The following SCAPER variants were observed in gnomAD, a reference collection of about 807,000 sequenced individuals.
SCAPER encodes the protein S-phase cyclin A associated protein in the ER, also known as S phase cyclin A-associated protein in the endoplasmic reticulum.
In SCAPER, 98 loss-of-function variants were observed where a neutral mutation model predicts 182.2. The ratio of observed to expected loss-of-function variants is 0.54; its 90% CI spans 0.46 to 0.64. The LOEUF is 0.64. SCAPER is among the 30% of genes least tolerant of loss of function. The pLI is 0.00. For missense variants in SCAPER, 1,432 were observed against 1,690.0 expected, an observed-to-expected ratio of 0.85 and a Z score of 2.68; for synonymous variants, 605 against 564.6, an observed-to-expected ratio of 1.07 and a Z score of -1.01.
At chr15:76,549,824 A>C (rs912016128) in intron 23 of SCAPER, among the ~76,000 whole-genome samples, 1 of 152,206 alleles carries the variant, frequency 6.6e-6, no homozygotes, top group Admixed American at 6.5e-5. Flanking sequence ...AAATGGATGA[A>C]AGATTTAAAT....
intron 15 of SCAPER, among the ~76,000 whole-genome samples, chr15:76,750,659 AAC>A (rs2062035433): frequency 1.3e-5 from 2 of 152,092 alleles, no homozygotes; most frequent in South Asian, 2.1e-4. Flanking sequence ...AGAGGAAAAA[AAC>A]ACACAGTCTC....
At chr15:76,458,705 T>C (rs1023840924) in intron 25 of SCAPER, among the ~76,000 whole-genome samples, 12 of 152,120 alleles carry the variant, frequency 7.9e-5, no homozygotes, top group African/African-American at 2.4e-4. Flanking sequence ...TATTTTGAAA[T>C]ATACAATACA....
intron 14 of SCAPER, among the ~76,000 whole-genome samples, chr15:76,759,211 T>C (rs1214411558): frequency 6.6e-6 from 1 of 152,120 alleles, no homozygotes; most frequent in Non-Finnish European, 1.5e-5. Flanking sequence ...TGTTCATATA[T>C]GGGCGGTCTT....
At chr15:76,724,573 T>G (rs558552560) in intron 17 of SCAPER, among the ~76,000 whole-genome samples, 1 of 152,208 alleles carries the variant, frequency 6.6e-6, no homozygotes, top group Non-Finnish European at 1.5e-5. Context: ...CAATGAGACG[T>G]AGATTTGGTC....
At chr15:76,778,453 A>G (rs770792190) in intron 8 of SCAPER, among the ~76,000 whole-genome samples, 2 of 152,130 alleles carry the variant, frequency 1.3e-5, no homozygotes, top group Non-Finnish European at 2.9e-5. Flanking sequence ...AAGAGAATCA[A>G]AAAAACTTTC....
intron 8 of SCAPER, among the ~76,000 whole-genome samples, chr15:76,781,774 T>C (rs1395179933): frequency 1.3e-5 from 2 of 152,164 alleles, no homozygotes. Flanking sequence ...CAGAATTTCA[T>C]ATCCAGCCAA....
chr15:76,765,768 A>G, intron 11 of SCAPER, 130 bp from the exon 12 acceptor site: 1 of 742,772 alleles, frequency 1.3e-6, no homozygotes, highest in South Asian at 1.8e-5. Flanking sequence ...GAAAACCAGG[A>G]AAAAGGTACC....
At chr15:76,882,076 AGG>A (rs2073577627) in intron 2 of SCAPER, among the ~76,000 whole-genome samples, 1 of 152,262 alleles carries the variant, frequency 6.6e-6, no homozygotes, top group Non-Finnish European at 1.5e-5. Flanking sequence ...AAAGAAGCTG[AGG>A]ACAGTGGAAT....
At chr15:76,527,591 TAGG>T (rs1327478797) in intron 23 of SCAPER, among the ~76,000 whole-genome samples, 2 of 152,320 alleles carry the variant, frequency 1.3e-5, no homozygotes, top group Admixed American at 6.5e-5. Context: ...CACCTCCTTT[TAGG>T]AGAAGAAAAG....
At chr15:76,891,892 G>A (rs146766352) in intron 1 of SCAPER, among the ~76,000 whole-genome samples, 54 of 152,154 alleles carry the variant, frequency 3.5e-4, no homozygotes, top group Non-Finnish European at 7.5e-4. Flanking sequence ...CAAAAATAAC[G>A]AAGCTGGAGA....
intron 8 of SCAPER, among the ~76,000 whole-genome samples, chr15:76,792,454 C>T (rs975119082): frequency 1.3e-5 from 2 of 152,182 alleles, no homozygotes; most frequent in African/African-American, 4.8e-5. Context: ...CCAGTGCTTA[C>T]ATGCCACTCC....
At chr15:76,720,198 C>T (rs534656789) in intron 17 of SCAPER, among the ~76,000 whole-genome samples, 7 of 150,734 alleles carry the variant, frequency 4.6e-5, no homozygotes, top group African/African-American at 1.2e-4. Flanking sequence ...TTTGTCCTTG[C>T]GATAGTTTGC....
At chr15:76,420,776 C>A (rs12592420) in intron 26 of SCAPER, among the ~76,000 whole-genome samples, 2 of 151,970 alleles carry the variant, frequency 1.3e-5, no homozygotes, top group Non-Finnish European at 2.9e-5. Context: ...CACGCTCCCC[C>A]CACCCCATGA....
chr15:76,666,843 T>G (rs1277729094), intron 20 of SCAPER, among the ~76,000 whole-genome samples: 1 of 152,156 alleles, frequency 6.6e-6, no homozygotes, highest in Non-Finnish European at 1.5e-5. Context: ...TGTGCATATG[T>G]GCCCGTACAC....
chr15:76,369,559 G>C (rs1437146035), intron 29 of SCAPER, among the ~76,000 whole-genome samples: 1 of 152,156 alleles, frequency 6.6e-6, no homozygotes, highest in Non-Finnish European at 1.5e-5. Context: ...ATATCTCCCA[G>C]AGCCCTTCTA....
intron 20 of SCAPER, among the ~76,000 whole-genome samples, chr15:76,696,747 C>A (rs968999813): frequency 6.6e-6 from 1 of 152,128 alleles, no homozygotes; most frequent in African/African-American, 2.4e-5. Flanking sequence ...TTTAGCAATG[C>A]ATGTAAAAAG....
intron 7 of SCAPER, 141 bp from the exon 8 acceptor site, chr15:76,795,581 T>C: frequency 1.9e-6 from 1 of 536,782 alleles, no homozygotes; most frequent in Non-Finnish European, 2.9e-6. Context: ...CAATTTAAGG[T>C]AACTATATTT....
chr15:76,451,813 T>C (rs189579409), intron 25 of SCAPER, among the ~76,000 whole-genome samples: 5 of 152,352 alleles, frequency 3.3e-5, no homozygotes, highest in Non-Finnish European at 7.4e-5. Flanking sequence ...GAAGACTTAC[T>C]GCTTCATGCC....
intron 23 of SCAPER, among the ~76,000 whole-genome samples, chr15:76,505,668 T>C (rs902114286): frequency 2.0e-5 from 3 of 152,196 alleles, no homozygotes; most frequent in African/African-American, 4.8e-5. Context: ...ACAATCACTA[T>C]GGAGAATAGT....
Sources: gnomAD v4.1 joint callset for allele counts (sites outside exome capture counted in the v4.1 genomes callset) on GRCh38, gnomAD v4.1.1 for gene constraint, MANE v1.5 for transcripts, NCBI Gene and HGNC (gene_info 2026-07-23, HGNC 2026-07-21) for gene names.